CFAP221: variants seen among roughly 807,000 people sequenced by gnomAD.
The protein encoded by CFAP221 is cilia and flagella associated protein 221, also known as cilia- and flagella-associated protein 221.
In CFAP221, 97 loss-of-function variants were observed where a neutral mutation model predicts 113.1. That is an observed-to-expected ratio of 0.86 (90% CI 0.73 to 1.02). The LOEUF is 1.02. CFAP221 is among the 50% of genes least tolerant of loss of function. The pLI is 0.00. For synonymous variants in CFAP221, 331 were observed against 354.4 expected (o/e 0.93, Z 0.74); for missense variants, 1,025 against 1,013.4 (o/e 1.01, Z -0.16).
chr2:119,632,464 G>T (rs968068769), intron 19 of CFAP221, among the ~76,000 whole-genome samples: 3 of 152,030 alleles, frequency 2.0e-5, no homozygotes, highest in Non-Finnish European at 4.4e-5. Flanking sequence ...ATCAGCAAGT[G>T]CGGGATAGAA....
rs375788106 is a variant in CFAP221, at chr2:119,645,130, GTCTC to G, written c.2226-1814_2226-1811del. Among the ~76,000 whole-genome samples the G allele has an allele frequency of 1.1e-3, 166 of 147,544 alleles. 1 individual carries two copies. Among genetic ancestry groups the G allele is most frequent in the African/African-American group, 3.9e-3 (156 of 40,296 alleles). ...TCTCTCTCTCTCTCTGTCTCTGTCT[GTCTC>G]TCTCTCTCTCTCTGTCTTTCTTTCC... On this transcript the variant is annotated intron_variant, in intron 21 of 23. Transcript: ENST00000413369.
chr2:119,548,201 C>T (rs1002323817), intron 2 of CFAP221, among the ~76,000 whole-genome samples: 1 of 152,066 alleles, frequency 6.6e-6, no homozygotes, highest in African/African-American at 2.4e-5. Flanking sequence ...TGGGCTCAAG[C>T]GATCCTCCTG....
intron 14 of CFAP221, among the ~76,000 whole-genome samples, chr2:119,616,151 T>C (rs1209029574): frequency 6.6e-6 from 1 of 152,266 alleles, no homozygotes; most frequent in East Asian, 1.9e-4. Flanking sequence ...CATGTATACA[T>C]TATATAAGAA....
chr2:119,554,864 T>A (rs1294717509), intron 3 of CFAP221, among the ~76,000 whole-genome samples: 2 of 152,240 alleles, frequency 1.3e-5, no homozygotes, highest in South Asian at 2.1e-4. Context: ...GGATCCCTTA[T>A]GTTAAGTATG....
intron 6 of CFAP221, among the ~76,000 whole-genome samples, chr2:119,583,744 G>T (rs1316066455): frequency 1.3e-5 from 2 of 152,194 alleles, no homozygotes; most frequent in African/African-American, 4.8e-5. Context: ...CCTTTGGGAG[G>T]TGATGAGGCC....
chr2:119,587,316 A>G, intron 7 of CFAP221, 94 bp downstream of exon 7: 5 of 779,196 alleles, frequency 6.4e-6, no homozygotes, highest in Non-Finnish European at 9.4e-6. Context: ...AATTTTACAC[A>G]TAACTGACCT....
At chr2:119,548,793 G>T (rs1242012031) in intron 2 of CFAP221, among the ~76,000 whole-genome samples, 1 of 152,188 alleles carries the variant, frequency 6.6e-6, no homozygotes, top group Non-Finnish European at 1.5e-5. Context: ...TTATGACAAA[G>T]ATGTGTACAA....
intron 12 of CFAP221, among the ~76,000 whole-genome samples, chr2:119,609,240 A>T (rs1684983607): frequency 6.6e-6 from 1 of 152,158 alleles, no homozygotes; most frequent in Non-Finnish European, 1.5e-5. Context: ...AAAACACAGG[A>T]TACACATGGG....
chr2:119,642,054 T>C (rs1049895829), intron 21 of CFAP221, among the ~76,000 whole-genome samples: 3 of 152,234 alleles, frequency 2.0e-5, no homozygotes, highest in African/African-American at 7.2e-5. Context: ...TACCTTGGGC[T>C]TGAATAACCA....
chr2:119,647,492 T>C (rs1032110125), intron 22 of CFAP221, among the ~76,000 whole-genome samples: 1 of 152,194 alleles, frequency 6.6e-6, no homozygotes, highest in Non-Finnish European at 1.5e-5. Flanking sequence ...TCATTTACAA[T>C]TGATGGCTAC....
intron 14 of CFAP221, among the ~76,000 whole-genome samples, chr2:119,620,940 G>T (rs1470156062): frequency 6.6e-6 from 1 of 152,056 alleles, no homozygotes; most frequent in Admixed American, 6.5e-5. Context: ...AAAAGCAGGG[G>T]TTGGCTGGGC....
chr2:119,601,115 C>G, intron 7 of CFAP221, 103 bp from the exon 8 acceptor site: 1 of 1,193,872 alleles, frequency 8.4e-7, no homozygotes, highest in Non-Finnish European at 1.1e-6. Flanking sequence ...TGCCCCTAAT[C>G]TCCACATTGT....
intron 6 of CFAP221, among the ~76,000 whole-genome samples, chr2:119,564,756 T>C (rs1411016213): frequency 6.6e-6 from 1 of 152,254 alleles, no homozygotes; most frequent in African/African-American, 2.4e-5. Context: ...CACAGTTTTT[T>C]ATCCACTCCA....
chr2:119,545,891 T>C (rs1680016617), intron 1 of CFAP221, among the ~76,000 whole-genome samples, 194 bp from the exon 2 acceptor site: 1 of 152,030 alleles, frequency 6.6e-6, no homozygotes, highest in South Asian at 2.1e-4. Context: ...TGGCATGACA[T>C]TGGGTTGCAA....
At position 119,559,738 on chromosome 2, in the gene CFAP221, C is replaced by G; in HGVS notation, c.290C>G (p.Pro97Arg). 6.5e-7 allele frequency: 1 copy of G among 1,532,272 alleles called. No individual in the cohort carries two copies. The highest frequency in any genetic ancestry group is 8.7e-7 in the Non-Finnish European group (1 of 1,143,556). 94.9% of individuals were successfully genotyped at this position (1,532,272 alleles called of 1,614,324 possible). A position where few individuals can be genotyped will look rare whatever the true frequency, so the allele number is the denominator to read the frequency against. The change falls in exon 4 of 24, where the codon CCG becomes CGG. Residue 97 changes from proline (P) to arginine (R), a missense_variant. Physicochemically the swap from Pro to Arg is moderately radical, Grantham distance 103. Coordinates refer to ENST00000413369, the MANE Select transcript of CFAP221 (RefSeq NM_001271049.2). Reference sequence around the variant, plus strand: ...GACACACGTGTTCATATTTTACCCCCGCAAACCAAATACTTTGAGATCAAT... The same window carrying G: ...GACACACGTGTTCATATTTTACCCCGGCAAACCAAATACTTTGAGATCAAT... ...NEDTRVHILP[P>R]QTKYFEINYV...
downstream of CFAP221, among the ~76,000 whole-genome samples, chr2:119,657,059 G>A (rs530060361): frequency 2.0e-5 from 3 of 152,212 alleles, no homozygotes; most frequent in East Asian, 3.9e-4. Flanking sequence ...AGGGAGCCAG[G>A]AGTTCCAGTG....
At chr2:119,582,186 C>T (rs1364841383) in intron 6 of CFAP221, among the ~76,000 whole-genome samples, 1 of 152,148 alleles carries the variant, frequency 6.6e-6, no homozygotes, top group Non-Finnish European at 1.5e-5. Flanking sequence ...AGAAGAAAAA[C>T]ATATTTGGAA....
At chr2:119,623,080 C>A (rs1407432475) in intron 14 of CFAP221, among the ~76,000 whole-genome samples, 3 of 152,160 alleles carry the variant, frequency 2.0e-5, no homozygotes, top group Non-Finnish European at 2.9e-5. Context: ...GTCAAATTGT[C>A]TCTTTGCAGA....
rs1023216487 is a variant in CFAP221 at position 119,656,187 on chromosome 2, T to C, written c.2415-175T>C. Reference sequence around the variant, plus strand: ...GAGGCCAGAAGCCAGGTTTGAATCATTCATAAGCTGAGTGTTTTCACTGGT... The same window carrying C: ...GAGGCCAGAAGCCAGGTTTGAATCACTCATAAGCTGAGTGTTTTCACTGGT... On this transcript the variant is annotated intron_variant, in intron 23 of 23. Coordinates refer to ENST00000413369, the MANE Select transcript of CFAP221 (RefSeq NM_001271049.2). 1.2e-5 allele frequency: 7 copies of C among 579,928 alleles called. No individual in the cohort carries two copies. The East Asian group carries it at 1.5e-4, about 12-fold the overall frequency. The allele number at this position is 579,928 out of a possible 1,614,324, so 35.9% of individuals were successfully genotyped here. A position where few individuals can be genotyped will look rare whatever the true frequency, so the allele number is the denominator to read the frequency against.
Sources: gnomAD v4.1 joint callset for allele counts (sites outside exome capture counted in the v4.1 genomes callset) on GRCh38, gnomAD v4.1.1 for gene constraint, MANE v1.5 for transcripts, NCBI Gene and HGNC (gene_info 2026-07-23, HGNC 2026-07-21) for gene names.